The following PSD3 variants were observed in gnomAD, a reference collection of about 807,000 sequenced individuals.
PSD3 encodes pleckstrin and Sec7 domain containing 3, also known as PH and SEC7 domain-containing protein 3.
Under a neutral mutation model 105.5 loss-of-function variants are expected in PSD3, and 49 were observed. The observed-to-expected ratio is 0.46, with a 90% CI of 0.37 to 0.59. The LOEUF is 0.59. PSD3 is among the 20% of genes least tolerant of loss of function. PSD3 has a pLI of 0.00. For missense variants in PSD3, 1,561 were observed against 1,263.8 expected (o/e 1.24, Z -3.57); for synonymous variants, 557 against 457.8 (o/e 1.22, Z -2.77).
At chr8:18,767,808 C>T (rs1807147394) in intron 8 of PSD3, among the ~76,000 whole-genome samples, 5 of 151,940 alleles carry the variant, frequency 3.3e-5, no homozygotes, top group Admixed American at 3.3e-4. Context: ...AATATACCTG[C>T]ATACACTACT....
At chr8:18,970,344 A>AAAAAAAAAAAAAAG (rs1563474672) in intron 1 of PSD3, among the ~76,000 whole-genome samples, 3 of 148,410 alleles carry the variant, frequency 2.0e-5, no homozygotes, top group African/African-American at 7.6e-5. Context: ...AAAAAAAAAA[A>AAAAAAAAAAAAAAG]AAAACAAAGA....
chr8:18,653,492 A>G (rs1391255202), intron 10 of PSD3, among the ~76,000 whole-genome samples: 1 of 152,198 alleles, frequency 6.6e-6, no homozygotes, highest in Non-Finnish European at 1.5e-5. Flanking sequence ...ATGAGACTCA[A>G]TATTTGCTCA....
intron 9 of PSD3, among the ~76,000 whole-genome samples, chr8:18,657,803 G>T (rs1277411384): frequency 2.6e-5 from 4 of 152,142 alleles, no homozygotes; most frequent in Non-Finnish European, 4.4e-5. Flanking sequence ...GATCATTAAA[G>T]GTTCTTTAGA....
chr8:18,867,931 C>T lies in PSD3; in HGVS notation c.1377G>A (p.Glu459=), dbSNP rs1397175090. Residue 459 remains glutamate (E), a synonymous_variant, in exon 4 of 16, where the codon GAG becomes GAA. Transcript: ENST00000327040. ...LDNTSLYYSA[E]SLETLYSEPD... is the part of the protein sequence containing the mutation. ...GCTCTGAGTATAATGTCTCCAGGGACTCTGCACTGTAGTATAAAGAAGTGT... is the reference window on the plus strand; with the variant it reads ...GCTCTGAGTATAATGTCTCCAGGGATTCTGCACTGTAGTATAAAGAAGTGT... The T allele has an allele frequency of 3.1e-6, 5 of 1,614,034 alleles. No homozygotes were observed. In the African/African-American group the frequency reaches 6.7e-5, roughly 22 times the overall value.
chr8:18,742,235 T>C (rs1294531177), intron 9 of PSD3, among the ~76,000 whole-genome samples: 2 of 152,178 alleles, frequency 1.3e-5, no homozygotes, highest in Non-Finnish European at 2.9e-5. Context: ...CTTTGCTTTA[T>C]ATATGATTTA....
intron 11 of PSD3, among the ~76,000 whole-genome samples, chr8:18,610,891 A>AT (rs1328975360): frequency 6.6e-6 from 1 of 152,092 alleles, no homozygotes; most frequent in African/African-American, 2.4e-5. Flanking sequence ...GATGCCCACT[A>AT]TTTCTCCGCT....
intron 14 of PSD3, among the ~76,000 whole-genome samples, chr8:18,557,151 G>C (rs1353963246): frequency 6.6e-6 from 1 of 152,066 alleles, no homozygotes. Context: ...AAACATTCTT[G>C]GAATTCTCTT....
chr8:18,633,406 C>T (rs1807036374), intron 10 of PSD3, among the ~76,000 whole-genome samples: 1 of 152,048 alleles, frequency 6.6e-6, no homozygotes, highest in African/African-American at 2.4e-5. Context: ...ACAGCTGCTA[C>T]TTTCTCAACC....
chr8:18,573,378 G>C (rs973085906), intron 13 of PSD3, among the ~76,000 whole-genome samples: 1 of 152,142 alleles, frequency 6.6e-6, no homozygotes, highest in Admixed American at 6.5e-5. Flanking sequence ...GCTGAGGCAG[G>C]AGAATCACTT....
At chr8:18,764,498 T>A (rs991670736) in intron 9 of PSD3, among the ~76,000 whole-genome samples, 2 of 152,204 alleles carry the variant, frequency 1.3e-5, no homozygotes, top group Non-Finnish European at 2.9e-5. Flanking sequence ...TTAGTAAGAC[T>A]AAGAATGTCG....
intron 9 of PSD3, among the ~76,000 whole-genome samples, chr8:18,739,006 A>T (rs1043928063): frequency 6.6e-6 from 1 of 152,214 alleles, no homozygotes; most frequent in African/African-American, 2.4e-5. Flanking sequence ...TAGGTATCAC[A>T]GATTGTTCAG....
chr8:18,922,227 A>C (rs1413637144), intron 2 of PSD3, among the ~76,000 whole-genome samples: 3 of 152,186 alleles, frequency 2.0e-5, no homozygotes, highest in Admixed American at 1.3e-4. Flanking sequence ...CAAGGACCTA[A>C]AGTTTACTCT....
intron 4 of PSD3, among the ~76,000 whole-genome samples, chr8:18,812,809 G>A (rs1447112520): frequency 6.6e-6 from 1 of 152,176 alleles, no homozygotes; most frequent in African/African-American, 2.4e-5. Context: ...CTCAGTCGCT[G>A]GCCTGCGGTG....
chr8:18,903,825 T>C (rs1819667457), intron 2 of PSD3, among the ~76,000 whole-genome samples: 1 of 152,048 alleles, frequency 6.6e-6, no homozygotes, highest in South Asian at 2.1e-4. Context: ...TTTGGGGACA[T>C]GTGGCACCCT....
chr8:19,043,591 C>T (rs1330929412), intron 1 of PSD3, among the ~76,000 whole-genome samples: 1 of 152,162 alleles, frequency 6.6e-6, no homozygotes, highest in African/African-American at 2.4e-5. Flanking sequence ...CCATCCAAAA[C>T]TTATGCTGAA....
intron 2 of PSD3, among the ~76,000 whole-genome samples, chr8:18,932,155 T>C (rs140722450): frequency 1.3e-5 from 2 of 152,322 alleles, no homozygotes; most frequent in African/African-American, 4.8e-5. Flanking sequence ...TACAATCTCA[T>C]TCGATTTCCA....
At chr8:18,986,675 T>TTA (rs1353954983) in intron 1 of PSD3, among the ~76,000 whole-genome samples, 1 of 152,028 alleles carries the variant, frequency 6.6e-6, no homozygotes, top group African/African-American at 2.4e-5. Context: ...TTTTGAAGAG[T>TTA]TAGACACTTC....
intron 11 of PSD3, among the ~76,000 whole-genome samples, chr8:18,623,923 G>C (rs918678536): frequency 3.3e-5 from 5 of 151,996 alleles, no homozygotes; most frequent in African/African-American, 1.2e-4. Context: ...TCTGCAAGCC[G>C]CTTTTTTTCA....
chr8:18,592,333 G>C (rs1563356233), intron 12 of PSD3, among the ~76,000 whole-genome samples: 1 of 151,974 alleles, frequency 6.6e-6, no homozygotes, highest in Non-Finnish European at 1.5e-5. Flanking sequence ...TCCACTCAGA[G>C]AACAAAGATA....
Sources: gnomAD v4.1 joint callset for allele counts (sites outside exome capture counted in the v4.1 genomes callset) on GRCh38, gnomAD v4.1.1 for gene constraint, MANE v1.5 for transcripts, NCBI Gene and HGNC (gene_info 2026-07-23, HGNC 2026-07-21) for gene names.